The following ADIPOR2 variants were observed in gnomAD, a reference collection of about 807,000 sequenced individuals.
The protein encoded by ADIPOR2 is adiponectin receptor protein 2.
A neutral mutation model predicts 40.9 loss-of-function variants in ADIPOR2; 18 were observed. That is an observed-to-expected ratio of 0.44 (90% CI 0.30 to 0.65). ADIPOR2 has a LOEUF of 0.65. Ranked by LOEUF, ADIPOR2 falls within the 30% of genes least tolerant of loss-of-function variation. The pLI is 0.09. For missense variants in ADIPOR2, 283 were observed against 479.2 expected, an observed-to-expected ratio of 0.59 and a Z score of 3.82; for synonymous variants, 165 against 166.4, an observed-to-expected ratio of 0.99 and a Z score of 0.06.
Position 1,781,054 on chromosome 12 carries a change from T to C in ADIPOR2, c.816T>C (p.Pro272=), listed in dbSNP as rs772198169. The change falls in exon 6 of 8, where the codon CCT becomes CCC. Residue 272 remains proline (P), a synonymous_variant. Transcript: ENST00000357103. ...IVSQWDMFAT[P]QYRGVRAGVF... is the part of the protein sequence containing the mutation. The stretch of plus-strand genomic sequence containing the variant: ...CCCAGTGGGACATGTTTGCCACCCC[T>C]CAGTATCGGGGAGTAAGAGCAGGTA... 4 of 1,609,648 alleles carry C rather than the reference T, an allele frequency of 2.5e-6. No homozygotes were observed. The highest frequency in any genetic ancestry group is 8.5e-7 in the Non-Finnish European group (1 of 1,178,410).
chr12:1,767,108 A>G (rs972052525), intron 2 of ADIPOR2, among the ~76,000 whole-genome samples: 4 of 151,850 alleles, frequency 2.6e-5, no homozygotes, highest in Admixed American at 2.6e-4. Flanking sequence ...CGTCTCTACT[A>G]AAAATATAAA....
intron 1 of ADIPOR2, among the ~76,000 whole-genome samples, chr12:1,745,705 A>T (rs985630210): frequency 6.6e-6 from 1 of 152,076 alleles, no homozygotes. Flanking sequence ...CCATTCTTCC[A>T]CTCAAACTTC....
Position 1,691,072 on chromosome 12 carries a change from A to T in ADIPOR2, c.-206A>T, listed in dbSNP as rs1162847165. 1 of 163,884 alleles carries T rather than the reference A, an allele frequency of 6.1e-6. No individual in the cohort carries two copies. Among genetic ancestry groups the T allele is most frequent in the Non-Finnish European group, 1.3e-5 (1 of 76,336 alleles). 10.2% of individuals were successfully genotyped at this position (163,884 alleles called of 1,614,324 possible). A position where few individuals can be genotyped will look rare whatever the true frequency, so the allele number is the denominator to read the frequency against. ...CGCGGCGGCGAGAGCGCGATTCCAG[A>T]AGCGGCATCGCGGCGGCGGCAGCGG... On this transcript the variant is annotated 5_prime_UTR_variant, in exon 1 of 8. Coordinates refer to ENST00000357103, the MANE Select transcript of ADIPOR2 (RefSeq NM_024551.3).
intron 3 of ADIPOR2, among the ~76,000 whole-genome samples, chr12:1,773,763 C>T (rs1862534099): frequency 6.6e-6 from 1 of 152,152 alleles, no homozygotes; most frequent in African/African-American, 2.4e-5. Flanking sequence ...CTTAGCTTTT[C>T]ATGGCTTTTA....
chr12:1,711,815 A>G (rs1215947864), intron 1 of ADIPOR2, among the ~76,000 whole-genome samples: 1 of 151,618 alleles, frequency 6.6e-6, no homozygotes, highest in Non-Finnish European at 1.5e-5. Flanking sequence ...TAAGACTGCC[A>G]CCTCCTTGGG....
intron 1 of ADIPOR2, among the ~76,000 whole-genome samples, chr12:1,705,500 G>A (rs955113666): frequency 2.0e-5 from 3 of 152,090 alleles, no homozygotes; most frequent in Non-Finnish European, 4.4e-5. Flanking sequence ...TTTGTTTCAT[G>A]CACACAATTA....
At chr12:1,703,196 G>A (rs2094654057) in intron 1 of ADIPOR2, among the ~76,000 whole-genome samples, 2 of 152,220 alleles carry the variant, frequency 1.3e-5, no homozygotes, top group African/African-American at 4.8e-5. Context: ...AGAGCTATAC[G>A]TTGTGACATG....
At chr12:1,762,823 G>C (rs1004846117) in intron 2 of ADIPOR2, among the ~76,000 whole-genome samples, 4 of 152,180 alleles carry the variant, frequency 2.6e-5, no homozygotes, top group Admixed American at 2.0e-4. Flanking sequence ...TGGGACTCTT[G>C]TCATGGGGAT....
At chr12:1,747,650 G>C (rs2094758586) in intron 1 of ADIPOR2, among the ~76,000 whole-genome samples, 1 of 151,786 alleles carries the variant, frequency 6.6e-6, no homozygotes, top group Non-Finnish European at 1.5e-5. Flanking sequence ...GAGAAGGTCT[G>C]TTTCGCCTTC....
intron 1 of ADIPOR2, among the ~76,000 whole-genome samples, chr12:1,753,438 A>G (rs961421932): frequency 3.3e-5 from 5 of 152,220 alleles, no homozygotes; most frequent in African/African-American, 1.2e-4. Context: ...GAGCATTGAG[A>G]TATTATCAAA....
intron 1 of ADIPOR2, among the ~76,000 whole-genome samples, chr12:1,694,716 G>A (rs2094634411): frequency 2.0e-5 from 3 of 152,152 alleles, no homozygotes; most frequent in Non-Finnish European, 4.4e-5. Context: ...ATAACCAGGG[G>A]CAACAGTTTG....
intron 2 of ADIPOR2, among the ~76,000 whole-genome samples, chr12:1,763,236 A>G (rs1862306074): frequency 6.6e-6 from 1 of 152,206 alleles, no homozygotes; most frequent in Admixed American, 6.5e-5. Flanking sequence ...AAGTTCCCCT[A>G]TGTGATTGTG....
At chr12:1,760,341 C>T (rs977669377) in intron 2 of ADIPOR2, among the ~76,000 whole-genome samples, 2 of 152,098 alleles carry the variant, frequency 1.3e-5, no homozygotes, top group Non-Finnish European at 2.9e-5. Context: ...ATAAATTTTA[C>T]ATACCATAAA....
chr12:1,710,027 C>T (rs1015661420), intron 1 of ADIPOR2, among the ~76,000 whole-genome samples: 1 of 152,140 alleles, frequency 6.6e-6, no homozygotes, highest in African/African-American at 2.4e-5. Flanking sequence ...GGTTCTAAAA[C>T]ATGGTGTAAA....
rs1282142839 is a variant in ADIPOR2 at position 1,777,867 on chromosome 12, G to A, written c.305G>A (p.Arg102Gln). The change falls in exon 4 of 8, where the codon CGG (arginine) becomes CAG (glutamine). Residue 102 changes from arginine to glutamine, a missense_variant. By Grantham distance (43) the Arg-to-Gln change is conservative. This residue lies in a region of ADIPOR2 where 112 missense variants were observed against 249.5 expected (regional missense o/e 0.45). Coordinates refer to ENST00000357103, the MANE Select transcript of ADIPOR2 (RefSeq NM_024551.3). Reference sequence around the variant, plus strand: ...CCTCTCTGCCAGGTATGGGAAGGTCGGTGGCGAGTGATCCCTCATGATGTA... The same window carrying A: ...CCTCTCTGCCAGGTATGGGAAGGTCAGTGGCGAGTGATCCCTCATGATGTA... ...EEFVCKVWEG[R>Q]WRVIPHDVLP... 6.2e-7 allele frequency: 1 copy of A among 1,611,042 alleles called. No individual in the cohort carries two copies. The highest frequency in any genetic ancestry group is 8.5e-7 in the Non-Finnish European group (1 of 1,178,888).
chr12:1,696,548 AC>A (rs2094639350), intron 1 of ADIPOR2: 1 of 152,108 alleles, frequency 6.6e-6, no homozygotes, highest in African/African-American at 2.4e-5. Context: ...GGCATGCACC[AC>A]CATGCCTGGC....
intron 2 of ADIPOR2, among the ~76,000 whole-genome samples, chr12:1,768,908 A>G (rs2154444042): frequency 6.6e-6 from 1 of 152,342 alleles, no homozygotes; most frequent in South Asian, 2.1e-4. Context: ...TTATTCATAG[A>G]AAAACCTGGA....
chr12:1,733,451 C>T (rs1290850958), intron 1 of ADIPOR2, among the ~76,000 whole-genome samples: 2 of 152,088 alleles, frequency 1.3e-5, no homozygotes, highest in Admixed American at 1.3e-4. Flanking sequence ...TTGAGACCTG[C>T]ATTCTTTATT....
chr12:1,700,282 A>C (rs2094647629), intron 1 of ADIPOR2, among the ~76,000 whole-genome samples: 1 of 152,164 alleles, frequency 6.6e-6, no homozygotes, highest in East Asian at 1.9e-4. Context: ...TTTCATTGAC[A>C]GCATATTCAC....
Sources: allele counts gnomAD v4.1 joint callset (sites outside exome capture counted in the v4.1 genomes callset), GRCh38; gene constraint gnomAD v4.1.1; regional missense constraint gnomAD v4.1.1; transcripts MANE v1.5; gene names NCBI Gene and HGNC (gene_info 2026-07-23, HGNC 2026-07-21).